Variants in LRRC4C observed in about 807,000 individuals in gnomAD.
LRRC4C encodes leucine rich repeat containing 4C.
Under a neutral mutation model 33.6 loss-of-function variants are expected in LRRC4C, and 5 were observed. The ratio of observed to expected loss-of-function variants is 0.15; its 90% confidence interval spans 0.08 to 0.31. LRRC4C has a LOEUF of 0.31. LRRC4C is among the 10% of genes least tolerant of loss of function. The pLI is 1.00. For synonymous variants in LRRC4C, 329 were observed against 302.0 expected (o/e 1.09, Z -0.93); for missense variants, 560 against 796.7 (o/e 0.70, Z 3.58).
chr11:40,292,031 G>A (rs577114583), intron 4 of LRRC4C, among the ~76,000 whole-genome samples: 6 of 151,572 alleles, frequency 4.0e-5, no homozygotes, highest in Admixed American at 6.6e-5. Context: ...AGCAGAGACT[G>A]ATGAAGCAAA....
chr11:41,189,098 T>G (rs551734792), intron 1 of LRRC4C, among the ~76,000 whole-genome samples: 1 of 152,224 alleles, frequency 6.6e-6, no homozygotes, highest in South Asian at 2.1e-4. Flanking sequence ...CAAAGATTTA[T>G]AGGGCACCTT....
At chr11:41,216,380 C>T (rs764051647) in intron 1 of LRRC4C, among the ~76,000 whole-genome samples, 14 of 148,828 alleles carry the variant, frequency 9.4e-5, no homozygotes, top group Non-Finnish European at 1.8e-4. Context: ...ACTTTGAGAA[C>T]AGTAAATGTC....
chr11:40,895,562 T>C (rs1407098305), intron 2 of LRRC4C, among the ~76,000 whole-genome samples: 2 of 152,156 alleles, frequency 1.3e-5, no homozygotes, highest in East Asian at 3.9e-4. Context: ...CTGAAGCAGA[T>C]ACTTGAGTCT....
intron 1 of LRRC4C, among the ~76,000 whole-genome samples, chr11:41,176,467 T>C (rs1200598943): frequency 1.3e-5 from 2 of 152,192 alleles, no homozygotes; most frequent in Admixed American, 6.5e-5. Flanking sequence ...CAGTCCTGCA[T>C]CCATTCATTC....
intron 4 of LRRC4C, among the ~76,000 whole-genome samples, chr11:40,262,604 T>A (rs1359488417): frequency 6.6e-6 from 1 of 152,160 alleles, no homozygotes; most frequent in Non-Finnish European, 1.5e-5. Context: ...AATGATAGAC[T>A]GGATAAAGAA....
intron 5 of LRRC4C, among the ~76,000 whole-genome samples, chr11:40,190,573 A>G (rs1861756818): frequency 6.6e-6 from 1 of 152,204 alleles, no homozygotes; most frequent in African/African-American, 2.4e-5. Context: ...TTGTGTCATC[A>G]ATTAGAACAT....
intron 2 of LRRC4C, among the ~76,000 whole-genome samples, chr11:40,824,453 G>A (rs748187540): frequency 6.6e-6 from 1 of 151,654 alleles, no homozygotes; most frequent in Non-Finnish European, 1.5e-5. Flanking sequence ...TCATCCATAT[G>A]TAAAATAGGT....
chr11:40,775,244 A>T (rs1442233177), intron 2 of LRRC4C, among the ~76,000 whole-genome samples: 1 of 151,924 alleles, frequency 6.6e-6, no homozygotes, highest in African/African-American at 2.4e-5. Context: ...CCCCATCTTT[A>T]CTAAAAATAC....
intron 2 of LRRC4C, among the ~76,000 whole-genome samples, chr11:40,829,243 G>GA (rs987501749): frequency 6.6e-6 from 1 of 151,882 alleles, no homozygotes; most frequent in Non-Finnish European, 1.5e-5. Context: ...TTGAGGATGG[G>GA]AAAAAAATTG....
At chr11:41,098,674 T>C (rs1940970728) in intron 1 of LRRC4C, among the ~76,000 whole-genome samples, 1 of 152,176 alleles carries the variant, frequency 6.6e-6, no homozygotes, top group African/African-American at 2.4e-5. Flanking sequence ...GACCTTGTAT[T>C]GGCATAAACT....
intron 2 of LRRC4C, among the ~76,000 whole-genome samples, chr11:40,902,866 G>A (rs1045392424): frequency 1.4e-4 from 21 of 152,126 alleles, no homozygotes; most frequent in African/African-American, 4.8e-4. Context: ...TAGGGGGTTT[G>A]AGAAAATAAG....
intron 3 of LRRC4C, among the ~76,000 whole-genome samples, chr11:40,376,102 A>C (rs1424993326): frequency 6.6e-6 from 1 of 152,214 alleles, no homozygotes; most frequent in Non-Finnish European, 1.5e-5. Context: ...TAATATAAGA[A>C]GAAATATAAT....
chr11:41,294,666 G>A (rs1950087310), intron 1 of LRRC4C, among the ~76,000 whole-genome samples: 2 of 151,838 alleles, frequency 1.3e-5, no homozygotes, highest in Non-Finnish European at 2.9e-5. Flanking sequence ...TTTTCATTTG[G>A]TTTTATATTC....
intron 3 of LRRC4C, among the ~76,000 whole-genome samples, chr11:40,376,427 A>G (rs1050662721): frequency 9.2e-5 from 14 of 152,186 alleles, no homozygotes; most frequent in Non-Finnish European, 1.5e-5. Flanking sequence ...ATTTTGTTGG[A>G]GTGCGAGAAA....
At chr11:40,848,081 C>G (rs989012601) in intron 2 of LRRC4C, among the ~76,000 whole-genome samples, 2 of 150,016 alleles carry the variant, frequency 1.3e-5, no homozygotes, top group Admixed American at 6.7e-5. Flanking sequence ...GTCTATCTAT[C>G]TATCTTTTTT....
intron 1 of LRRC4C, among the ~76,000 whole-genome samples, chr11:41,295,527 G>C (rs1189677697): frequency 1.3e-5 from 2 of 151,930 alleles, no homozygotes; most frequent in African/African-American, 4.8e-5. Context: ...TATTATTTTT[G>C]TAATTATGAA....
chr11:40,785,593 C>T lies in LRRC4C; in HGVS notation c.-406-137315G>A, dbSNP rs193102573. On this transcript the variant is annotated intron_variant, in intron 2 of 6. Transcript: ENST00000528697. Reference sequence around the variant, plus strand: ...TGAATTTATACATAGGAATCAGACACTATGAACCAATCTTTATCTGATTCA... The same window carrying T: ...TGAATTTATACATAGGAATCAGACATTATGAACCAATCTTTATCTGATTCA... 7.0e-4 allele frequency among the ~76,000 whole-genome samples: 106 copies of T among 152,294 alleles called. 1 individual carries two copies. Among genetic ancestry groups the T allele is most frequent in the African/African-American group, 2.5e-3 (105 of 41,570 alleles).
intron 1 of LRRC4C, among the ~76,000 whole-genome samples, chr11:41,322,732 C>T (rs969647078): frequency 1.3e-5 from 2 of 152,096 alleles, no homozygotes; most frequent in African/African-American, 4.8e-5. Context: ...TTTGAGTTAC[C>T]TATTCAGCGT....
chr11:41,173,480 C>T (rs1237508454), intron 1 of LRRC4C, among the ~76,000 whole-genome samples: 1 of 152,092 alleles, frequency 6.6e-6, no homozygotes, highest in Admixed American at 6.6e-5. Context: ...CTTTGCAATC[C>T]TCAAAATGGG....
Sources: allele counts gnomAD v4.1 joint callset (sites outside exome capture counted in the v4.1 genomes callset), GRCh38; gene constraint gnomAD v4.1.1; transcripts MANE v1.5; gene names NCBI Gene and HGNC (gene_info 2026-07-23, HGNC 2026-07-21).